Variants in SMARCAL1 observed in about 807,000 individuals in gnomAD.
The protein encoded by SMARCAL1 is ATP-driven annealing helicase.
Under a neutral mutation model 94.5 loss-of-function variants are expected in SMARCAL1, and 58 were observed. The observed-to-expected ratio is 0.61, with a 90% CI of 0.50 to 0.76. SMARCAL1 has a LOEUF of 0.76. SMARCAL1 is among the 30% of genes least tolerant of loss of function. The pLI is 0.00. For synonymous variants in SMARCAL1, 422 were observed against 455.1 expected (o/e 0.93, Z 0.93); for missense variants, 1,051 against 1,177.9 (o/e 0.89, Z 1.58).
intron 9 of SMARCAL1, 72 bp downstream of exon 9, chr2:216,435,568 T>C: frequency 1.5e-6 from 2 of 1,324,252 alleles, no homozygotes; most frequent in South Asian, 2.4e-5. Context: ...TCTGAGAACT[T>C]TCATGTCTGT....
At chr2:216,430,340 T>G (rs1693936586) in intron 7 of SMARCAL1, among the ~76,000 whole-genome samples, 1 of 152,248 alleles carries the variant, frequency 6.6e-6, no homozygotes, top group Non-Finnish European at 1.5e-5. Flanking sequence ...CCCATTAATT[T>G]ATAAAGCAAA....
At chr2:216,426,758 A>G (rs941010013) in intron 6 of SMARCAL1, among the ~76,000 whole-genome samples, 1 of 152,218 alleles carries the variant, frequency 6.6e-6, no homozygotes, top group Non-Finnish European at 1.5e-5. Flanking sequence ...GCCCAGTTCC[A>G]ATTTAGTTCT....
intron 12 of SMARCAL1, among the ~76,000 whole-genome samples, chr2:216,458,951 A>T (rs921505758): frequency 3.9e-5 from 6 of 152,202 alleles, no homozygotes; most frequent in Admixed American, 6.5e-5. Flanking sequence ...CTCAGCCCCA[A>T]ATCTCCTTAA....
At chr2:216,452,486 G>A in intron 12 of SMARCAL1, among the ~76,000 whole-genome samples, 1 of 140,214 alleles carries the variant, frequency 7.1e-6, no homozygotes, top group East Asian at 2.1e-4. Flanking sequence ...TTTATAAAAT[G>A]TTATTTTTTT....
intron 6 of SMARCAL1, among the ~76,000 whole-genome samples, chr2:216,427,896 A>G (rs140156157): frequency 9.2e-5 from 14 of 152,328 alleles, no homozygotes; most frequent in Admixed American, 9.2e-4. Flanking sequence ...ATAGAGAACC[A>G]GCCTTAGGAT....
intron 5 of SMARCAL1, among the ~76,000 whole-genome samples, chr2:216,421,445 C>T (rs986902569): frequency 2.0e-5 from 3 of 152,124 alleles, no homozygotes; most frequent in South Asian, 2.1e-4. Context: ...CTACAGGCAC[C>T]TGCCACCACA....
intron 10 of SMARCAL1, among the ~76,000 whole-genome samples, chr2:216,440,663 G>A (rs1694179530): frequency 6.6e-6 from 1 of 152,098 alleles, no homozygotes; most frequent in Non-Finnish European, 1.5e-5. Context: ...TGAAGGAGTG[G>A]GATGGAGCAT....
intron 12 of SMARCAL1, among the ~76,000 whole-genome samples, chr2:216,457,538 C>G (rs1023823980): frequency 2.6e-5 from 4 of 152,310 alleles, no homozygotes; most frequent in African/African-American, 9.6e-5. Flanking sequence ...GAAACTCACT[C>G]AAAACTGCTC....
intron 12 of SMARCAL1, among the ~76,000 whole-genome samples, chr2:216,458,634 C>G (rs1195389336): frequency 6.6e-6 from 1 of 152,012 alleles, no homozygotes; most frequent in African/African-American, 2.4e-5. Flanking sequence ...ATTTAACAGC[C>G]CTTCATGCTA....
chr2:216,417,667 A>C (rs947525587), intron 4 of SMARCAL1, among the ~76,000 whole-genome samples: 1 of 151,982 alleles, frequency 6.6e-6, no homozygotes, highest in Non-Finnish European at 1.5e-5. Context: ...AATTCAACCC[A>C]TAACGCTGCT....
At chr2:216,457,443 A>G (rs1451282751) in intron 12 of SMARCAL1, among the ~76,000 whole-genome samples, 1 of 152,212 alleles carries the variant, frequency 6.6e-6, no homozygotes, top group Non-Finnish European at 1.5e-5. Context: ...TTGGAAGTAA[A>G]GCACTCCTCA....
intron 7 of SMARCAL1, among the ~76,000 whole-genome samples, chr2:216,431,999 G>C (rs1480714910): frequency 6.6e-6 from 1 of 151,916 alleles, no homozygotes; most frequent in Non-Finnish European, 1.5e-5. Context: ...CACCCTACCA[G>C]CTCTTCTTTC....
chr2:216,443,368 A>G (rs1226895832), intron 10 of SMARCAL1, among the ~76,000 whole-genome samples: 2 of 147,374 alleles, frequency 1.4e-5, no homozygotes, highest in Non-Finnish European at 3.0e-5. Flanking sequence ...CTCTGTCTCA[A>G]AAAAAAAAAA....
intron 10 of SMARCAL1, among the ~76,000 whole-genome samples, chr2:216,442,200 C>T (rs114860785): frequency 0.096 from 14,657 of 151,910 alleles, 874 homozygotes; most frequent in South Asian, 0.18. Context: ...GAGGATCACC[C>T]GAGGTCAGGA....
At chr2:216,420,028 C>CAAAAAAAAA (rs60555710) in intron 4 of SMARCAL1, among the ~76,000 whole-genome samples, 4 of 40,158 alleles carry the variant, frequency 1.0e-4, no homozygotes, top group Admixed American at 3.0e-4. Context: ...GACCCCGTCT[C>CAAAAAAAAA]AAAAAAAAAA....
At chr2:216,443,656 T>C (rs575356912) in intron 10 of SMARCAL1, among the ~76,000 whole-genome samples, 121 of 152,334 alleles carry the variant, frequency 7.9e-4, no homozygotes, top group Non-Finnish European at 1.0e-3. Flanking sequence ...TTTGTTTTTT[T>C]TGGAACATAG....
chr2:216,417,591 A>G (rs572515371), intron 4 of SMARCAL1, among the ~76,000 whole-genome samples: 1 of 152,280 alleles, frequency 6.6e-6, no homozygotes, highest in East Asian at 1.9e-4. Context: ...TAAAGGCCCT[A>G]TCTCCATATA....
At position 216,428,651 on chromosome 2, in the gene SMARCAL1, C is replaced by T. The variant is rs2106029145; in HGVS notation, c.1203C>T (p.Leu401=). ...AGCTGGACCCTCTGCCCACGACTCT[C>T]ACCCTGGCGTTTGCTTCTCAGCTCA... The part of the protein sequence containing the change: ...QVQLDPLPTT[L]TLAFASQLKK... Residue 401 remains leucine (L), a synonymous_variant, in exon 7 of 18, where the codon CTC becomes CTT. Coordinates refer to ENST00000357276, the MANE Select transcript of SMARCAL1 (RefSeq NM_014140.4). The T allele has an allele frequency of 1.2e-6, 2 of 1,614,250 alleles. No homozygotes were observed. Among genetic ancestry groups the T allele is most frequent in the South Asian group, 1.1e-5 (1 of 91,088 alleles).
chr2:216,460,541 A>G (rs1440850036), intron 12 of SMARCAL1, among the ~76,000 whole-genome samples: 1 of 152,040 alleles, frequency 6.6e-6, no homozygotes, highest in Non-Finnish European at 1.5e-5. Flanking sequence ...TTGTAGGGAC[A>G]TGGATGAAGC....
Sources: gnomAD v4.1 joint callset for allele counts (sites outside exome capture counted in the v4.1 genomes callset) on GRCh38, gnomAD v4.1.1 for gene constraint, MANE v1.5 for transcripts, NCBI Gene and HGNC (gene_info 2026-07-23, HGNC 2026-07-21) for gene names.